Variants in CHRM5 observed in about 807,000 individuals in gnomAD.
CHRM5 encodes the protein muscarinic acetylcholine receptor M5.
Under a neutral mutation model 39.0 loss-of-function variants are expected in CHRM5, and 18 were observed. The ratio of observed to expected loss-of-function variants is 0.46; its 90% CI spans 0.32 to 0.68. The LOEUF is 0.68. Ranked by LOEUF, CHRM5 falls within the 30% of genes least tolerant of loss-of-function variation. The pLI, the probability that CHRM5 is intolerant of heterozygous loss-of-function variation, is 0.04. For synonymous variants in CHRM5, 241 were observed against 246.3 expected, an observed-to-expected ratio of 0.98 and a Z score of 0.20; for missense variants, 515 against 651.1, an observed-to-expected ratio of 0.79 and a Z score of 2.28.
chr15:33,993,020 C>T (rs1339751971), intron 1 of CHRM5, among the ~76,000 whole-genome samples: 1 of 152,140 alleles, frequency 6.6e-6, no homozygotes, highest in Non-Finnish European at 1.5e-5. Flanking sequence ...ATAATATTTT[C>T]CCCACGTTTT....
In CHRM5 at chr15:34,039,135, C is replaced by G. The variant is rs965039997; in HGVS notation, c.-407-7405C>G. On this transcript the variant is annotated intron_variant, in intron 1 of 2. Coordinates refer to ENST00000383263, the MANE Select transcript of CHRM5 (RefSeq NM_012125.4). ...ACCGGAAGCGGGCCGCACGGAGGAG[C>G]CGCGAGCGAAAGGCGCCCGGTAGCA... 3 of 1,029,382 alleles carry G rather than the reference C, an allele frequency of 2.9e-6. No individual in the cohort carries two copies. In the African/African-American group the frequency reaches 5.2e-5, roughly 18 times the overall value. 63.8% of individuals were successfully genotyped at this position (1,029,382 alleles called of 1,614,324 possible).
chr15:33,970,130 C>A (rs532268982), intron 1 of CHRM5, among the ~76,000 whole-genome samples: 1 of 151,904 alleles, frequency 6.6e-6, no homozygotes, highest in Non-Finnish European at 1.5e-5. Flanking sequence ...CACCTAACTA[C>A]GGAGATCTTG....
intron 1 of CHRM5, among the ~76,000 whole-genome samples, chr15:34,033,830 C>A (rs1377513344): frequency 6.6e-6 from 1 of 152,116 alleles, no homozygotes; most frequent in Non-Finnish European, 1.5e-5. Flanking sequence ...ATTCTGTCTC[C>A]AGGGTAAAGA....
intron 1 of CHRM5, among the ~76,000 whole-genome samples, chr15:34,010,485 C>A (rs1425103725): frequency 6.6e-6 from 1 of 152,064 alleles, no homozygotes; most frequent in Admixed American, 6.6e-5. Flanking sequence ...TGTTTAAGAA[C>A]CTAGTTTTTG....
chr15:34,045,214 T>C (rs1044865585), intron 1 of CHRM5, among the ~76,000 whole-genome samples: 1 of 152,206 alleles, frequency 6.6e-6, no homozygotes, highest in African/African-American at 2.4e-5. Context: ...ATATCTCTTT[T>C]ATATGCCCCA....
chr15:34,046,338 G>T (rs1899678859), intron 1 of CHRM5, among the ~76,000 whole-genome samples: 1 of 50,230 alleles, frequency 2.0e-5, no homozygotes, highest in Non-Finnish European at 4.2e-5. Flanking sequence ...CAAAAAGTGA[G>T]GCAGGAAAAA....
intron 1 of CHRM5, among the ~76,000 whole-genome samples, chr15:34,024,431 C>T (rs1004522110): frequency 6.7e-6 from 1 of 148,464 alleles, no homozygotes; most frequent in African/African-American, 2.5e-5. Flanking sequence ...CAAGACTGCA[C>T]CACTGCCCTC....
intron 1 of CHRM5, among the ~76,000 whole-genome samples, chr15:34,041,086 T>C (rs1306687313): frequency 1.3e-5 from 2 of 151,916 alleles, no homozygotes; most frequent in African/African-American, 2.4e-5. Context: ...AGTTTCTCAA[T>C]GTTGGCAAAT....
chr15:34,058,198 T>C (rs572333507), intron 2 of CHRM5, among the ~76,000 whole-genome samples: 20 of 152,328 alleles, frequency 1.3e-4, no homozygotes, highest in Middle Eastern at 3.4e-3. Context: ...TAAATTCTAC[T>C]GATTTCAGTA....
At chr15:34,014,903 G>A (rs554738450) in intron 1 of CHRM5, among the ~76,000 whole-genome samples, 19 of 152,278 alleles carry the variant, frequency 1.2e-4, no homozygotes, top group African/African-American at 4.6e-4. Flanking sequence ...TTGAGCAGAA[G>A]AGGAATAATA....
At chr15:33,989,462 A>AG (rs1486573236) in intron 1 of CHRM5, among the ~76,000 whole-genome samples, 1 of 151,964 alleles carries the variant, frequency 6.6e-6, no homozygotes, top group Non-Finnish European at 1.5e-5. Flanking sequence ...AAAAAAAAAA[A>AG]AAGGTTCTAA....
intron 1 of CHRM5, among the ~76,000 whole-genome samples, chr15:34,018,623 G>A (rs1487987652): frequency 1.3e-5 from 2 of 152,218 alleles, no homozygotes; most frequent in Admixed American, 6.5e-5. Flanking sequence ...GCAGCAGCAA[G>A]ACTTATTGTG....
intron 1 of CHRM5, among the ~76,000 whole-genome samples, chr15:34,012,474 G>A (rs1221325091): frequency 2.0e-5 from 3 of 152,242 alleles, no homozygotes; most frequent in South Asian, 2.1e-4. Flanking sequence ...TTCTGAAGGC[G>A]GAAAGGGATG....
At chr15:33,982,620 A>G (rs995436829) in intron 1 of CHRM5, among the ~76,000 whole-genome samples, 1 of 152,158 alleles carries the variant, frequency 6.6e-6, no homozygotes, top group African/African-American at 2.4e-5. Flanking sequence ...ATGTTTACCC[A>G]TATCTACCAC....
At chr15:34,032,171 A>G (rs1386815708) in intron 1 of CHRM5, among the ~76,000 whole-genome samples, 1 of 152,194 alleles carries the variant, frequency 6.6e-6, no homozygotes, top group Admixed American at 6.5e-5. Flanking sequence ...TTGATACTTC[A>G]AAGTGCATCA....
At chr15:34,037,086 G>A (rs1367474464) in intron 1 of CHRM5, among the ~76,000 whole-genome samples, 1 of 150,090 alleles carries the variant, frequency 6.7e-6, no homozygotes, top group Non-Finnish European at 1.5e-5. Flanking sequence ...TCCAGCCTGG[G>A]CAACAAGAGT....
At chr15:33,983,493 G>A (rs1001458718) in intron 1 of CHRM5, among the ~76,000 whole-genome samples, 6 of 151,752 alleles carry the variant, frequency 4.0e-5, no homozygotes, top group African/African-American at 1.5e-4. Context: ...AAATAAAAAG[G>A]GCAAGTATTT....
chr15:34,037,542 T>G (rs1308906483), intron 1 of CHRM5, among the ~76,000 whole-genome samples: 2 of 149,068 alleles, frequency 1.3e-5, no homozygotes, highest in African/African-American at 4.9e-5. Context: ...AATTCTACAT[T>G]ACATATATAT....
chr15:33,996,066 C>T (rs1398358689), intron 1 of CHRM5, among the ~76,000 whole-genome samples: 1 of 152,250 alleles, frequency 6.6e-6, no homozygotes, highest in Non-Finnish European at 1.5e-5. Flanking sequence ...CCCACACAGC[C>T]TTGCTCACTG....
Sources: gnomAD v4.1 joint callset for allele counts (sites outside exome capture counted in the v4.1 genomes callset) on GRCh38, gnomAD v4.1.1 for gene constraint, MANE v1.5 for transcripts, NCBI Gene and HGNC (gene_info 2026-07-23, HGNC 2026-07-21) for gene names.